Variants in HS3ST2 observed in about 807,000 individuals in gnomAD.
HS3ST2 encodes heparan sulfate glucosamine 3-O-sulfotransferase 2.
Under a neutral mutation model 26.3 loss-of-function variants are expected in HS3ST2, and 17 were observed. The observed-to-expected ratio is 0.65, with a 90% CI of 0.44 to 0.97. The LOEUF is 0.97. Among genes scored for constraint, HS3ST2 ranks in the 50% least tolerant of loss-of-function variants. HS3ST2 has a pLI of 0.00. For missense variants in HS3ST2, 402 were observed against 501.2 expected (o/e 0.80, Z 1.89); for synonymous variants, 237 against 219.2 (o/e 1.08, Z -0.72).
At chr16:22,910,037 CA>C (rs774757407) in intron 1 of HS3ST2, among the ~76,000 whole-genome samples, 153 of 97,066 alleles carry the variant, frequency 1.6e-3, no homozygotes, top group Admixed American at 2.2e-3. Context: ...AACTCCATCT[CA>C]AAAAAAAAAA....
chr16:22,823,245 A>T (rs74578107), intron 1 of HS3ST2, among the ~76,000 whole-genome samples: 26,343 of 152,114 alleles, frequency 0.17, 2,925 homozygotes, highest in African/African-American at 0.31. Context: ...GCCTGCAGTG[A>T]TTTCCATCTT....
intron 1 of HS3ST2, among the ~76,000 whole-genome samples, chr16:22,831,888 G>A (rs1901175746): frequency 6.6e-6 from 1 of 151,800 alleles, no homozygotes; most frequent in Admixed American, 6.6e-5. Flanking sequence ...TTGTGGTGGT[G>A]GTCACATGTA....
chr16:22,915,086 C>G lies in HS3ST2; in HGVS notation c.628C>G (p.Arg210Gly). The G allele has an allele frequency of 6.2e-7, 1 of 1,614,068 alleles. No individual in the cohort carries two copies. The highest frequency in any genetic ancestry group is 8.5e-7 in the Non-Finnish European group (1 of 1,180,020). ...CGTGGTTGTGCGGAACCCTGTGACC[C>G]GTGCCATCTCTGATTACACGCAGAC... Reference protein sequence around the residue: ...LIVVVRNPVTRAISDYTQTLS... With the variant: ...LIVVVRNPVTGAISDYTQTLS... The change falls in exon 2 of 2, where the codon CGT becomes GGT. Residue 210 changes from arginine (R) to glycine (G), a missense_variant. Physicochemically the swap from Arg to Gly is moderately radical, Grantham distance 125. Around this residue, in one of 2 missense-constraint regions of HS3ST2, gnomAD observed 237 missense variants for 346.6 expected, o/e 0.68. Coordinates refer to ENST00000261374, the MANE Select transcript of HS3ST2 (RefSeq NM_006043.2).
intron 1 of HS3ST2, chr16:22,833,548 AC>A (rs1289376322): frequency 2.9e-6 from 1 of 343,694 alleles, no homozygotes; most frequent in Admixed American, 3.9e-5. Flanking sequence ...GGCACACCGG[AC>A]CTTTTTGGGG....
intron 1 of HS3ST2, among the ~76,000 whole-genome samples, chr16:22,889,237 C>T (rs1441229775): frequency 2.0e-5 from 3 of 152,220 alleles, no homozygotes; most frequent in African/African-American, 7.2e-5. Flanking sequence ...ATGAAAGCTT[C>T]AGACTCACAG....
intron 1 of HS3ST2, among the ~76,000 whole-genome samples, chr16:22,877,823 C>T (rs774004781): frequency 6.6e-6 from 1 of 152,060 alleles, no homozygotes; most frequent in Non-Finnish European, 1.5e-5. Context: ...AAGACAGTGC[C>T]GTGTAATGAG....
intron 1 of HS3ST2, among the ~76,000 whole-genome samples, chr16:22,823,241 A>G (rs1901027513): frequency 6.6e-6 from 1 of 152,230 alleles, no homozygotes; most frequent in African/African-American, 2.4e-5. Flanking sequence ...CTAAGCCTGC[A>G]GTGATTTCCA....
chr16:22,840,384 C>CT (rs879616249), intron 1 of HS3ST2, among the ~76,000 whole-genome samples: 2,723 of 145,868 alleles, frequency 0.019, 67 homozygotes, highest in African/African-American at 0.057. Flanking sequence ...AAATAGGAAT[C>CT]TTTTTTTTTT....
chr16:22,869,629 C>A (rs1392710484), intron 1 of HS3ST2, among the ~76,000 whole-genome samples: 1 of 152,136 alleles, frequency 6.6e-6, no homozygotes. Flanking sequence ...GAAACTCCCC[C>A]TTTTAAAACC....
chr16:22,827,516 G>A (rs1314151080), intron 1 of HS3ST2, among the ~76,000 whole-genome samples: 1 of 151,926 alleles, frequency 6.6e-6, no homozygotes, highest in African/African-American at 2.4e-5. Context: ...AAAGGAGAGG[G>A]GACAGATGCT....
chr16:22,898,149 A>G (rs1404582553), intron 1 of HS3ST2, among the ~76,000 whole-genome samples: 1 of 152,198 alleles, frequency 6.6e-6, no homozygotes, highest in African/African-American at 2.4e-5. Context: ...CCTGCCTATG[A>G]TGGCATGGCA....
At position 22,911,343 on chromosome 16, in the gene HS3ST2, A is replaced by G. The variant is rs145071165; in HGVS notation, c.486-3601A>G. Among the ~76,000 whole-genome samples, 640 of 152,312 alleles carry G rather than the reference A, an allele frequency of 4.2e-3. 6 individuals are homozygous for G. Among genetic ancestry groups the G allele is most frequent in the African/African-American group, 0.015 (615 of 41,578 alleles). ...CAGAGAAGGTATGGAATAAAGTGAA[A>G]TCAAGAGAATCCCAGATGAATTTGA... is the stretch of plus-strand genomic sequence containing the variant. On this transcript the variant is annotated intron_variant, in intron 1 of 1. Transcript: ENST00000261374.
In HS3ST2 at chr16:22,814,528, C is replaced by T; in HGVS notation, c.-83C>T. The stretch of plus-strand genomic sequence containing the variant: ...TGGCCGTGGCAGCGCCACGCGAGCC[C>T]TCTAGGCGACCGCAGGGCCACAGCA... On this transcript the variant is annotated 5_prime_UTR_variant, in exon 1 of 2. Coordinates refer to ENST00000261374, the MANE Select transcript of HS3ST2 (RefSeq NM_006043.2). 16 of 1,406,662 alleles carry T rather than the reference C, an allele frequency of 1.1e-5. No individual in the cohort carries two copies. The highest frequency in any genetic ancestry group is 1.5e-5 in the Non-Finnish European group (16 of 1,088,580). The allele number at this position is 1,406,662 out of a possible 1,614,324, so 87.1% of individuals were successfully genotyped here. A position where few individuals can be genotyped will look rare whatever the true frequency, so the allele number is the denominator to read the frequency against.
Position 22,915,265 on chromosome 16 carries a change from T to G in HS3ST2, c.807T>G (p.Ile269Met). The G allele has an allele frequency of 6.2e-7, 1 of 1,614,036 alleles. No homozygotes were observed. The highest frequency in any genetic ancestry group is 8.5e-7 in the Non-Finnish European group (1 of 1,180,016). ...SWLQYFPLAQ[I>M]HFVSGERLIT... Reference sequence around the variant, plus strand: ...TGCAGTACTTCCCGCTAGCTCAGATTCACTTCGTCAGTGGCGAGCGACTCA... The same window carrying G: ...TGCAGTACTTCCCGCTAGCTCAGATGCACTTCGTCAGTGGCGAGCGACTCA... Residue 269 changes from isoleucine to methionine, a missense_variant, in exon 2 of 2, where the codon ATT becomes ATG. Coordinates refer to ENST00000261374, the MANE Select transcript of HS3ST2 (RefSeq NM_006043.2).
intron 1 of HS3ST2, among the ~76,000 whole-genome samples, chr16:22,819,711 G>A (rs1325946803): frequency 6.6e-6 from 1 of 152,294 alleles, no homozygotes; most frequent in African/African-American, 2.4e-5. Flanking sequence ...GTTCAGCATC[G>A]ATGATGTTCT....
At chr16:22,850,842 A>C (rs545031626) in intron 1 of HS3ST2, among the ~76,000 whole-genome samples, 18 of 152,216 alleles carry the variant, frequency 1.2e-4, no homozygotes, top group Admixed American at 7.9e-4. Context: ...AACAAAAAAA[A>C]CAGAATCTCT....
intron 1 of HS3ST2, among the ~76,000 whole-genome samples, chr16:22,906,919 G>A (rs541163783): frequency 1.1e-3 from 172 of 152,260 alleles, no homozygotes; most frequent in Admixed American, 4.3e-3. Context: ...AACAAGAAAC[G>A]TGCAAGTTGC....
intron 1 of HS3ST2, among the ~76,000 whole-genome samples, chr16:22,897,654 T>TG (rs1473093005): frequency 1.1e-5 from 1 of 93,442 alleles, no homozygotes. Context: ...AATAAGCATC[T>TG]TTGCCTTGCC....
At chr16:22,838,025 A>G (rs1423013267) in intron 1 of HS3ST2, among the ~76,000 whole-genome samples, 2 of 139,216 alleles carry the variant, frequency 1.4e-5, no homozygotes, top group Admixed American at 1.4e-4. Context: ...TATGTAAGTG[A>G]AAAAAAAAGT....
Sources: allele counts gnomAD v4.1 joint callset (sites outside exome capture counted in the v4.1 genomes callset), GRCh38; gene constraint gnomAD v4.1.1; regional missense constraint gnomAD v4.1.1; transcripts MANE v1.5; gene names NCBI Gene and HGNC (gene_info 2026-07-23, HGNC 2026-07-21).